RABL3: variants seen among roughly 807,000 people sequenced by gnomAD.
The protein encoded by RABL3 is RAB, member of RAS oncogene family like 3, also known as rab-like protein 3.
A neutral mutation model predicts 31.8 loss-of-function variants in RABL3; 31 were observed. The ratio of observed to expected loss-of-function variants is 0.97; its 90% CI spans 0.73 to 1.31. The LOEUF is 1.31. Ranked by LOEUF, RABL3 falls within the 40% of genes most tolerant of loss-of-function variation. The pLI, the probability that RABL3 is intolerant of heterozygous loss-of-function variation, is 0.00. For synonymous variants in RABL3, 97 were observed against 99.9 expected, an observed-to-expected ratio of 0.97 and a Z score of 0.18; for missense variants, 263 against 279.6, an observed-to-expected ratio of 0.94 and a Z score of 0.42.
intron 1 of RABL3, among the ~76,000 whole-genome samples, chr3:120,735,789 C>T (rs1390833734): frequency 6.6e-6 from 1 of 152,178 alleles, no homozygotes; most frequent in Non-Finnish European, 1.5e-5. Flanking sequence ...TTTCTGCCTT[C>T]ATTTCATTAT....
At chr3:120,712,562 A>T (rs1708624244) in intron 2 of RABL3, among the ~76,000 whole-genome samples, 1 of 152,110 alleles carries the variant, frequency 6.6e-6, no homozygotes, top group Admixed American at 6.5e-5. Context: ...GGCCCAAATC[A>T]ACCAGAGCAG....
chr3:120,724,777 G>T (rs11711282), intron 2 of RABL3, among the ~76,000 whole-genome samples: 72,862 of 151,716 alleles, frequency 0.48, 18,855 homozygotes, highest in Non-Finnish European at 0.59. Context: ...ATCCCTTCCT[G>T]ACACCTTATA....
chr3:120,714,547 T>G (rs983058866), intron 2 of RABL3, among the ~76,000 whole-genome samples: 5 of 152,238 alleles, frequency 3.3e-5, no homozygotes, highest in African/African-American at 1.2e-4. Flanking sequence ...CCTGCCATTC[T>G]GTACCCATTC....
chr3:120,709,715 T>C, intron 3 of RABL3, 65 bp downstream of exon 3: 1 of 1,216,494 alleles, frequency 8.2e-7, no homozygotes, highest in Non-Finnish European at 1.2e-6. Flanking sequence ...TGCTATGGCA[T>C]TACATATCAG....
chr3:120,693,473 G>C (rs1418849104), intron 6 of RABL3, among the ~76,000 whole-genome samples: 2 of 152,142 alleles, frequency 1.3e-5, no homozygotes, highest in African/African-American at 4.8e-5. Context: ...AATACATGCA[G>C]AAAGACATCC....
At chr3:120,733,696 G>C (rs567212262) in intron 1 of RABL3, among the ~76,000 whole-genome samples, 3 of 152,034 alleles carry the variant, frequency 2.0e-5, no homozygotes, top group Admixed American at 6.6e-5. Flanking sequence ...TAGGTCTAAC[G>C]TTTAAGTCTT....
chr3:120,699,045 C>A lies in RABL3; in HGVS notation c.384-472G>T, dbSNP rs150025622. Among the ~76,000 whole-genome samples, 1,131 of 152,256 alleles carry A rather than the reference C, an allele frequency of 7.4e-3. 15 individuals carry two copies. The highest frequency in any genetic ancestry group is 0.026 in the African/African-American group (1,074 of 41,558). On this transcript the variant is annotated intron_variant, in intron 4 of 7. Transcript: ENST00000273375. ...AGAAAATGGCAAGCTTCTTGGGTACCTTTTGGGGTATGCATTAATTCTATA... is the reference window on the plus strand; with the variant it reads ...AGAAAATGGCAAGCTTCTTGGGTACATTTTGGGGTATGCATTAATTCTATA...
chr3:120,740,155 C>G (rs976746458), intron 1 of RABL3, among the ~76,000 whole-genome samples: 1 of 152,208 alleles, frequency 6.6e-6, no homozygotes, highest in African/African-American at 2.4e-5. Context: ...TCCCTAATCT[C>G]TGAAAGAAAG....
chr3:120,742,545 G>T (rs766725263), upstream of RABL3: 2 of 1,610,420 alleles, frequency 1.2e-6, no homozygotes, highest in South Asian at 2.2e-5. Context: ...CCTGTTCCTG[G>T]ATTGTAAGCC....
At chr3:120,709,522 C>G (rs899473059) in intron 3 of RABL3, among the ~76,000 whole-genome samples, 2 of 151,840 alleles carry the variant, frequency 1.3e-5, no homozygotes, top group Non-Finnish European at 2.9e-5. Flanking sequence ...TGTCAAGTAC[C>G]AAAAATATGA....
intron 1 of RABL3, among the ~76,000 whole-genome samples, chr3:120,740,216 A>G (rs930649979): frequency 6.6e-6 from 1 of 152,238 alleles, no homozygotes; most frequent in Non-Finnish European, 1.5e-5. Context: ...AAATTACCAA[A>G]TATCTCAATA....
chr3:120,718,029 T>C lies in RABL3; in HGVS notation c.139-8120A>G, dbSNP rs572077930. ...GTTACTATACATATTGGGTCCTTAA[T>C]TGGTCTCTCATATTCTTATTCTCAG... On this transcript the variant is annotated intron_variant, in intron 2 of 7. Transcript: ENST00000273375. Among the ~76,000 whole-genome samples the C allele has an allele frequency of 3.3e-5, 5 of 152,320 alleles. No individual in the cohort carries two copies. In the South Asian group the frequency reaches 1.0e-3, roughly 32 times the overall value.
intron 2 of RABL3, among the ~76,000 whole-genome samples, chr3:120,726,781 C>A (rs1559821564): frequency 4.0e-5 from 6 of 151,326 alleles, no homozygotes; most frequent in African/African-American, 1.2e-4. Flanking sequence ...ATAAATAAAA[C>A]AATAAAAAAA....
At chr3:120,709,148 C>T (rs140971824) in intron 3 of RABL3, among the ~76,000 whole-genome samples, 24 of 151,934 alleles carry the variant, frequency 1.6e-4, no homozygotes, top group African/African-American at 5.8e-4. Context: ...TTTAAAAAGA[C>T]TAAGAAAGAA....
At chr3:120,732,393 C>A (rs1377105613) in intron 1 of RABL3, among the ~76,000 whole-genome samples, 1 of 152,092 alleles carries the variant, frequency 6.6e-6, no homozygotes, top group Non-Finnish European at 1.5e-5. Context: ...CTAGAGAGCA[C>A]TTAAAACACA....
chr3:120,694,087 CA>C (rs1708409269), intron 6 of RABL3, 65 bp downstream of exon 6: 6 of 1,055,188 alleles, frequency 5.7e-6, no homozygotes, highest in Non-Finnish European at 8.5e-6. Context: ...TAGGATTCTA[CA>C]AAAAAATTTT....
intron 4 of RABL3, among the ~76,000 whole-genome samples, chr3:120,700,812 T>C (rs1248420052): frequency 6.6e-6 from 1 of 152,146 alleles, no homozygotes; most frequent in Non-Finnish European, 1.5e-5. Context: ...TGATAATTGT[T>C]GAAACTAGGC....
At chr3:120,704,473 A>G (rs1708526228) in intron 4 of RABL3, among the ~76,000 whole-genome samples, 1 of 152,228 alleles carries the variant, frequency 6.6e-6, no homozygotes, top group African/African-American at 2.4e-5. Context: ...CATCATACTT[A>G]ATAGTGAAAT....
intron 2 of RABL3, among the ~76,000 whole-genome samples, chr3:120,723,384 T>C (rs553805825): frequency 1.4e-3 from 217 of 152,328 alleles, no homozygotes; most frequent in African/African-American, 5.1e-3. Context: ...GAGGAGCTGG[T>C]ACCATTCCTT....
Sources: gnomAD v4.1 joint callset for allele counts (sites outside exome capture counted in the v4.1 genomes callset) on GRCh38, gnomAD v4.1.1 for gene constraint, MANE v1.5 for transcripts, NCBI Gene and HGNC (gene_info 2026-07-23, HGNC 2026-07-21) for gene names.